ATP6V0A2: variants seen among roughly 807,000 people sequenced by gnomAD.
ATP6V0A2 encodes ATPase H+ transporting V0 subunit a2.
ATP6V0A2 carries 58 observed loss-of-function variants against 104.4 expected under a neutral mutation model. That is an observed-to-expected ratio of 0.56 (90% CI 0.45 to 0.69). ATP6V0A2 has a LOEUF of 0.69. Ranked by LOEUF, ATP6V0A2 falls within the 30% of genes least tolerant of loss-of-function variation. ATP6V0A2 has a pLI of 0.00. For synonymous variants in ATP6V0A2, 376 were observed against 397.9 expected (o/e 0.95, Z 0.65); for missense variants, 938 against 1,062.9 (o/e 0.88, Z 1.63).
At chr12:123,716,908 A>AC (rs200856362) in intron 1 of ATP6V0A2, among the ~76,000 whole-genome samples, 12 of 148,690 alleles carry the variant, frequency 8.1e-5, no homozygotes, top group South Asian at 2.1e-4. Context: ...TCCTACCCCC[A>AC]CCCCCCCAGC....
In ATP6V0A2 at chr12:123,744,638, G is replaced by A; in HGVS notation, c.1368G>A (p.Leu456=). Residue 456 remains leucine, a synonymous_variant, in exon 12 of 20, where the codon CTG becomes CTA. Coordinates refer to ENST00000330342, the MANE Select transcript of ATP6V0A2 (RefSeq NM_012463.4). This position sits in a 1 kb window ranked among gnomAD's most constrained non-coding sequence, Gnocchi z 5.4. The part of the protein sequence containing the change: ...MFFNGRYILL[L]MGLFSVYTGL... Reference sequence around the variant, plus strand: ...TTAATGGCCGGTACATCCTCCTGCTGATGGGGCTGTTCTCAGTGTACACTG... The same window carrying A: ...TTAATGGCCGGTACATCCTCCTGCTAATGGGGCTGTTCTCAGTGTACACTG... 2 of 1,613,786 alleles carry A rather than the reference G, an allele frequency of 1.2e-6. No individual in the cohort carries two copies. The highest frequency in any genetic ancestry group is 1.7e-6 in the Non-Finnish European group (2 of 1,180,022).
chr12:123,744,765 A>G lies in ATP6V0A2; in HGVS notation c.1495A>G (p.Lys499Glu), dbSNP rs1240866102. 13 of 1,613,890 alleles carry G rather than the reference A, an allele frequency of 8.1e-6. No homozygotes were observed. The highest frequency in any genetic ancestry group is 9.3e-6 in the Non-Finnish European group (11 of 1,179,988). The stretch of plus-strand genomic sequence containing the variant: ...CTCCAGCCACCCACCCGCAGAGCAT[A>G]AGAAGATGGTGCTTTGGAAGTAAGT... ...YSSSHPPAEH[K>E]KMVLWNDSVV... Residue 499 changes from lysine (K) to glutamate (E), a missense_variant, in exon 12 of 20, where the codon AAG (lysine) becomes GAG (glutamate). Physicochemically the swap from Lys to Glu is moderately conservative, Grantham distance 56. Coordinates refer to ENST00000330342, the MANE Select transcript of ATP6V0A2 (RefSeq NM_012463.4). The surrounding 1 kb of genome is among the most constrained non-coding windows in gnomAD (Gnocchi z 5.4).
Position 123,743,910 on chromosome 12 carries a change from C to A in ATP6V0A2, c.1164C>A (p.Val388=), listed in dbSNP as rs757645572. 1 of 1,614,108 alleles carries A rather than the reference C, an allele frequency of 6.2e-7. No individual in the cohort carries two copies. Among genetic ancestry groups the A allele is most frequent in the South Asian group, 1.1e-5 (1 of 91,074 alleles). ...AGAACATCGTGGATGCTTATGGAGT[C>A]GGAAGCTACAGAGAAGTCAATCCAG... ...GFQNIVDAYG[V]GSYREVNPAL... is the part of the protein sequence containing the mutation. The change falls in exon 10 of 20, where the codon GTC becomes GTA. Residue 388 remains valine, a synonymous_variant. Coordinates refer to ENST00000330342, the MANE Select transcript of ATP6V0A2 (RefSeq NM_012463.4).
chr12:123,754,669 T>C (rs1956746908), intron 18 of ATP6V0A2, 132 bp downstream of exon 18: 1 of 704,058 alleles, frequency 1.4e-6, no homozygotes, highest in Admixed American at 2.0e-5. Flanking sequence ...GAACTTACAC[T>C]ATTCACTACT....
At chr12:123,723,694 C>A (rs562359432) in intron 3 of ATP6V0A2, 1 of 151,976 alleles carries the variant, frequency 6.6e-6, no homozygotes, top group South Asian at 2.1e-4. Context: ...CTCCTGACCT[C>A]GTGATCCACC....
Position 123,727,231 on chromosome 12 carries a change from A to AG in ATP6V0A2, c.522-551dup, listed in dbSNP as rs1240819144. Among the ~76,000 whole-genome samples the AG allele has an allele frequency of 1.1e-4, 16 of 152,084 alleles. No individual in the cohort carries two copies. The South Asian group carries it at 3.1e-3, about 30-fold the overall frequency. The stretch of plus-strand genomic sequence containing the variant: ...CTCAAGTTCTTAAGATACGGGGTTC[A>AG]GTGTAATAATCAGGACAGCTGTGAG... On this transcript the variant is annotated intron_variant, in intron 5 of 19. Coordinates refer to ENST00000330342, the MANE Select transcript of ATP6V0A2 (RefSeq NM_012463.4).
chr12:123,753,538 G>A (rs1956736093), intron 17 of ATP6V0A2, among the ~76,000 whole-genome samples: 1 of 152,244 alleles, frequency 6.6e-6, no homozygotes, highest in Non-Finnish European at 1.5e-5. Context: ...TAGTCACAGT[G>A]GGTCAGGGCC....
chr12:123,751,675 C>G (rs1173118690), intron 16 of ATP6V0A2, among the ~76,000 whole-genome samples: 1 of 151,884 alleles, frequency 6.6e-6, no homozygotes, highest in Non-Finnish European at 1.5e-5. Context: ...GTAAATGAAA[C>G]ATTGATGTTG....
Position 123,735,640 on chromosome 12 carries a change from G to T in ATP6V0A2, c.825+16G>T. On this transcript the variant is annotated intron_variant, in intron 8 of 19. Transcript: ENST00000330342. ...TCTCTACACTGTGAGTAAGCTGGAA[G>T]TGGATTGCCTCTTTATCTGAGGGCT... 1 of 1,598,096 alleles carries T rather than the reference G, an allele frequency of 6.3e-7. No individual in the cohort carries two copies. The highest frequency in any genetic ancestry group is 1.1e-5 in the South Asian group (1 of 90,694).
chr12:123,738,048 A>G (rs949739178), intron 9 of ATP6V0A2, among the ~76,000 whole-genome samples: 2 of 152,176 alleles, frequency 1.3e-5, no homozygotes, highest in Non-Finnish European at 2.9e-5. Flanking sequence ...ACTGATTTTG[A>G]TAGATGTTGT....
rs1456219090 is a variant in ATP6V0A2 at position 123,758,183 on chromosome 12, CAT to C, written c.*154_*155del. ...AATTCTGTAAGATATACCTCTTCCT[CAT>C]ATGTTAAATATTTTGTAAAGTTTAC... is the stretch of plus-strand genomic sequence containing the variant. On this transcript the variant is annotated 3_prime_UTR_variant, in exon 20 of 20. Transcript: ENST00000330342. 5.6e-6 allele frequency: 3 copies of C among 537,016 alleles called. No individual in the cohort carries two copies. The highest frequency in any genetic ancestry group is 1.9e-5 in the African/African-American group (1 of 51,478). 33.3% of individuals were successfully genotyped at this position (537,016 alleles called of 1,614,324 possible). A position where few individuals can be genotyped will look rare whatever the true frequency, so the allele number is the denominator to read the frequency against.
At chr12:123,719,755 C>A (rs529812514) in intron 2 of ATP6V0A2, among the ~76,000 whole-genome samples, 80 of 152,184 alleles carry the variant, frequency 5.3e-4, no homozygotes, top group Non-Finnish European at 9.4e-4. Flanking sequence ...AGCCAGCAAA[C>A]TTCACTTATC....
rs1480373779 is a variant in ATP6V0A2, at chr12:123,758,083, T to C, written c.*51T>C. The C allele has an allele frequency of 7.7e-7, 1 of 1,298,362 alleles. No homozygotes were observed. The highest frequency in any genetic ancestry group is 1.1e-6 in the Non-Finnish European group (1 of 895,412). 80.4% of individuals were successfully genotyped at this position (1,298,362 alleles called of 1,614,324 possible). A position where few individuals can be genotyped will look rare whatever the true frequency, so the allele number is the denominator to read the frequency against. On this transcript the variant is annotated 3_prime_UTR_variant, in exon 20 of 20. Transcript: ENST00000330342. ...TCAGATTTATGGAGAATGACCATGT[T>C]ATAGACTTTCACTTATGTCAGATTT...
intron 6 of ATP6V0A2, chr12:123,731,712 T>A (rs898884367): frequency 1.3e-5 from 2 of 152,278 alleles, no homozygotes; most frequent in Non-Finnish European, 2.9e-5. Context: ...TTTCTGACAG[T>A]GTGAAGTCAG....
At chr12:123,716,860 C>T (rs1453343141) in intron 1 of ATP6V0A2, among the ~76,000 whole-genome samples, 1 of 152,016 alleles carries the variant, frequency 6.6e-6, no homozygotes, top group Non-Finnish European at 1.5e-5. Context: ...TCCATCACCC[C>T]AGAAGATTCT....
chr12:123,736,656 A>C (rs1488637080), intron 8 of ATP6V0A2, among the ~76,000 whole-genome samples: 1 of 152,200 alleles, frequency 6.6e-6, no homozygotes, highest in Non-Finnish European at 1.5e-5. Flanking sequence ...ATTTCTTGGT[A>C]GGATGGGATG....
chr12:123,742,552 T>A (rs146122926), intron 9 of ATP6V0A2, among the ~76,000 whole-genome samples: 8 of 152,198 alleles, frequency 5.3e-5, no homozygotes, highest in African/African-American at 1.7e-4. Context: ...AGAGACACAT[T>A]TTGGCCGGGT....
intron 13 of ATP6V0A2, among the ~76,000 whole-genome samples, chr12:123,745,821 T>C (rs1452226174): frequency 6.6e-6 from 1 of 151,632 alleles, no homozygotes; most frequent in Non-Finnish European, 1.5e-5. Context: ...TTGGGTGGGG[T>C]TTTCCTGAGC....
At chr12:123,718,835 C>T (rs1020011476) in intron 2 of ATP6V0A2, 134 bp downstream of exon 2, 2 of 639,556 alleles carry the variant, frequency 3.1e-6, no homozygotes, top group Admixed American at 3.0e-5. Context: ...CAGAAGTAAT[C>T]ACAGTTATGT....
Sources: allele counts gnomAD v4.1 joint callset (sites outside exome capture counted in the v4.1 genomes callset), GRCh38; gene constraint gnomAD v4.1.1; non-coding constraint Gnocchi (gnomAD v3.1); transcripts MANE v1.5; gene names NCBI Gene and HGNC (gene_info 2026-07-23, HGNC 2026-07-21).